The following TEX36 variants were observed in gnomAD, a reference collection of about 807,000 sequenced individuals.
TEX36 encodes the protein testis-expressed protein 36.
TEX36 carries 12 observed loss-of-function variants against 13.6 expected under a neutral mutation model. The observed-to-expected ratio is 0.88, with a 90% confidence interval of 0.56 to 1.43. TEX36 has a LOEUF of 1.43. Among genes scored for constraint, TEX36 ranks in the 40% most tolerant of loss-of-function variants. The pLI, the probability that TEX36 is intolerant of heterozygous loss-of-function variation, is 0.00. For missense variants in TEX36, 224 were observed against 228.3 expected (o/e 0.98, Z 0.12); for synonymous variants, 93 against 83.0 (o/e 1.12, Z -0.65).
In TEX36 at chr10:125,576,851, TG is replaced by T. The variant is rs1409875842; in HGVS notation, c.287del (p.Pro96HisfsTer15). 1 of 1,536,008 alleles carries T rather than the reference TG, an allele frequency of 6.5e-7. No homozygotes were observed. Among genetic ancestry groups the T allele is most frequent in the Non-Finnish European group, 8.7e-7 (1 of 1,146,898 alleles). ...CTTGTCTCTTGTCTGGTTCTCCCTG[TG>T]GGTCCGTTGCTGTCATTCTTTCCTG... is the stretch of plus-strand genomic sequence containing the variant. On this transcript the variant is annotated frameshift_variant, in exon 4 of 4. Coordinates refer to the TEX36 transcript ENST00000532135. LOFTEE classifies it low-confidence loss of function (END_TRUNC).
intron 3 of TEX36, among the ~76,000 whole-genome samples, chr10:125,600,001 C>T (rs1846126778): frequency 6.6e-6 from 1 of 152,200 alleles, no homozygotes; most frequent in Non-Finnish European, 1.5e-5. Flanking sequence ...TTCAGTCCCT[C>T]ATTTCAGGAT....
At chr10:125,646,728 C>A (rs1846774631) in intron 3 of TEX36, among the ~76,000 whole-genome samples, 1 of 151,980 alleles carries the variant, frequency 6.6e-6, no homozygotes, top group Non-Finnish European at 1.5e-5. Flanking sequence ...TTTTACAAAT[C>A]CATGTAAAAC....
intron 3 of TEX36, among the ~76,000 whole-genome samples, chr10:125,597,639 A>G (rs776117739): frequency 6.6e-6 from 1 of 152,228 alleles, no homozygotes; most frequent in East Asian, 1.9e-4. Context: ...TTGGTCAAGG[A>G]AGCAAGGCTT....
intron 3 of TEX36, among the ~76,000 whole-genome samples, chr10:125,627,662 T>G (rs297239): frequency 0.21 from 32,587 of 152,256 alleles, 5,396 homozygotes; most frequent in African/African-American, 0.46. Flanking sequence ...TTTGTTCAAT[T>G]AATATTTTGT....
chr10:125,588,464 T>A (rs993823530), intron 3 of TEX36, among the ~76,000 whole-genome samples: 31 of 152,246 alleles, frequency 2.0e-4, no homozygotes, highest in African/African-American at 7.5e-4. Context: ...GGAAGCAGAG[T>A]GCTGGCGTCT....
chr10:125,640,268 G>T, intron 3 of TEX36: 1 of 939,854 alleles, frequency 1.1e-6, no homozygotes, highest in East Asian at 1.2e-4. Flanking sequence ...GTGTTCTTGT[G>T]CCTGTATTAC....
chr10:125,620,255 G>A (rs940958891), downstream of TEX36, among the ~76,000 whole-genome samples: 4 of 152,150 alleles, frequency 2.6e-5, no homozygotes, highest in South Asian at 2.1e-4. Flanking sequence ...AAATCCTTGC[G>A]AGCACTAGGT....
At chr10:125,586,683 T>C (rs1041706525) in intron 3 of TEX36, among the ~76,000 whole-genome samples, 1 of 150,242 alleles carries the variant, frequency 6.7e-6, no homozygotes, top group African/African-American at 2.5e-5. Flanking sequence ...GTCACACACT[T>C]GTAGTCCCAG....
chr10:125,632,656 G>T (rs1247832796), intron 3 of TEX36, among the ~76,000 whole-genome samples: 1 of 152,210 alleles, frequency 6.6e-6, no homozygotes, highest in East Asian at 1.9e-4. Flanking sequence ...CCCAGCTGGT[G>T]TATCTGTCAC....
intron 3 of TEX36, among the ~76,000 whole-genome samples, chr10:125,615,336 A>G (rs1284691056): frequency 1.3e-5 from 2 of 152,152 alleles, no homozygotes; most frequent in South Asian, 2.1e-4. Flanking sequence ...AGGAGTGGTG[A>G]GAGAGTGCAT....
At chr10:125,576,809 C>T in exon 4 of TEX36, 1 of 1,535,994 alleles carries the variant, frequency 6.5e-7, no homozygotes, top group Non-Finnish European at 8.7e-7. Flanking sequence ...ACTGGGTCCT[C>T]ACCGGCTCAT....
chr10:125,613,698 G>A (rs1290350094), intron 3 of TEX36, among the ~76,000 whole-genome samples: 1 of 151,938 alleles, frequency 6.6e-6, no homozygotes, highest in Non-Finnish European at 1.5e-5. Context: ...CATTTGGGTT[G>A]GTTCCAAGTC....
chr10:125,656,249 CTTTTTTTTT>C, intron 3 of TEX36, 53 bp from the exon 4 acceptor site: 7 of 261,530 alleles, frequency 2.7e-5, no homozygotes, highest in South Asian at 4.0e-5. Context: ...TCACATAGTT[CTTTTTTTTT>C]TTTTTTTTTT....
Sources: allele counts gnomAD v4.1 joint callset (sites outside exome capture counted in the v4.1 genomes callset), GRCh38; gene constraint gnomAD v4.1.1; transcripts MANE v1.5; gene names NCBI Gene and HGNC (gene_info 2026-07-23, HGNC 2026-07-21).